Variants in CCNH observed in about 807,000 individuals in gnomAD.
CCNH encodes the protein cyclin H.
A neutral mutation model predicts 41.9 loss-of-function variants in CCNH; 31 were observed. That is an observed-to-expected ratio of 0.74 (90% CI 0.56 to 1.00). The LOEUF (loss-of-function observed/expected upper bound fraction) is 1.00. CCNH is among the 50% of genes least tolerant of loss of function. The pLI, the probability that CCNH is intolerant of heterozygous loss-of-function variation, is 0.00. For missense variants in CCNH, 362 were observed against 388.4 expected, an observed-to-expected ratio of 0.93 and a Z score of 0.57; for synonymous variants, 138 against 136.1, an observed-to-expected ratio of 1.01 and a Z score of -0.10.
At chr5:87,331,488 T>G in intron 9 of CCNH, 3 of 1,613,834 alleles carry the variant, frequency 1.9e-6, no homozygotes, top group Non-Finnish European at 1.7e-6. Context: ...ATGAATGTTG[T>G]CAACCATTTT....
intron 9 of CCNH, among the ~76,000 whole-genome samples, chr5:87,358,441 A>T (rs1308895545): frequency 6.6e-6 from 1 of 152,168 alleles, no homozygotes; most frequent in African/African-American, 2.4e-5. Flanking sequence ...ATCATCCTCA[A>T]TTCTTCTCTT....
At chr5:87,355,529 T>C (rs1401675072) in intron 9 of CCNH, among the ~76,000 whole-genome samples, 1 of 152,186 alleles carries the variant, frequency 6.6e-6, no homozygotes, top group Non-Finnish European at 1.5e-5. Flanking sequence ...TCACTGACAA[T>C]GCACCTCTAC....
intron 9 of CCNH, among the ~76,000 whole-genome samples, chr5:87,333,595 G>A (rs1757750431): frequency 6.6e-6 from 1 of 152,146 alleles, no homozygotes; most frequent in African/African-American, 2.4e-5. Context: ...CACAAAGTAA[G>A]GAGAGTTCTG....
At chr5:87,329,281 C>CAAAAAAAAAAAAAAAAAAAAAAAAAAAA (rs571157213) in intron 9 of CCNH, among the ~76,000 whole-genome samples, 1 of 119,160 alleles carries the variant, frequency 8.4e-6, no homozygotes, top group African/African-American at 3.1e-5. Context: ...TCTGTCTCTC[C>CAAAAAAAAAAAAAAAAAAAAAAAAAAAA]AAAAAAAAAA....
exon 1 of CCNH, chr5:87,376,659 T>G: frequency 7.0e-7 from 1 of 1,432,354 alleles, no homozygotes; most frequent in Non-Finnish European, 9.7e-7. Flanking sequence ...TAGTAATTCA[T>G]AGCTTAGTAG....
chr5:87,346,816 C>A, intron 9 of CCNH: 2 of 978,302 alleles, frequency 2.0e-6, no homozygotes, highest in Non-Finnish European at 3.2e-6. Flanking sequence ...CTTTAGCATT[C>A]AGTTAGTGTT....
At chr5:87,322,556 T>C (rs1251349403) in intron 9 of CCNH, among the ~76,000 whole-genome samples, 1 of 152,150 alleles carries the variant, frequency 6.6e-6, no homozygotes, top group Non-Finnish European at 1.5e-5. Flanking sequence ...TCTCTTGCTC[T>C]CTCTGGTCAT....
chr5:87,409,629 C>A (rs1166310398), intron 2 of CCNH, among the ~76,000 whole-genome samples: 1 of 145,990 alleles, frequency 6.8e-6, no homozygotes, highest in Non-Finnish European at 1.5e-5. Flanking sequence ...TTTAAAAATA[C>A]GTGTGTGTGT....
intron 9 of CCNH, among the ~76,000 whole-genome samples, chr5:87,348,038 A>C (rs1392193865): frequency 2.6e-5 from 4 of 152,028 alleles, no homozygotes; most frequent in Non-Finnish European, 4.4e-5. Flanking sequence ...TTGCATGCAC[A>C]GTCTTGCATG....
chr5:87,399,631 G>A, intron 6 of CCNH, 126 bp from the exon 7 acceptor site: 1 of 669,812 alleles, frequency 1.5e-6, no homozygotes, highest in Non-Finnish European at 2.7e-6. Flanking sequence ...TTATTCTCAG[G>A]ATTTGCATCA....
chr5:87,403,869 T>C (rs145212925), intron 5 of CCNH, among the ~76,000 whole-genome samples: 137 of 152,342 alleles, frequency 9.0e-4, no homozygotes, highest in Middle Eastern at 3.4e-3. Flanking sequence ...CTATCTTTCC[T>C]AACACAGAGA....
intron 9 of CCNH, among the ~76,000 whole-genome samples, chr5:87,338,536 A>ATATATATATATATTTTTTT: frequency 1.2e-5 from 1 of 85,214 alleles, no homozygotes; most frequent in African/African-American, 4.4e-5. Flanking sequence ...TATATATAAA[A>ATATATATATATATTTTTTT]TTTTTTTTTT....
downstream of CCNH, chr5:87,392,142 G>A (rs1446902921): frequency 1.2e-5 from 5 of 408,744 alleles, no homozygotes; most frequent in African/African-American, 4.2e-5. Flanking sequence ...TGGAACATAC[G>A]TGGCAGAATG....
intron 9 of CCNH, among the ~76,000 whole-genome samples, chr5:87,347,014 CTG>C (rs1279502439): frequency 2.0e-5 from 3 of 152,046 alleles, no homozygotes; most frequent in Admixed American, 1.3e-4. Flanking sequence ...TTCTGTGTCT[CTG>C]TGAATCTTTC....
intron 9 of CCNH, chr5:87,337,950 T>C (rs1236423635): frequency 1.3e-6 from 2 of 1,584,636 alleles, no homozygotes; most frequent in South Asian, 2.3e-5. Context: ...TTAAATTTAA[T>C]AACTTTAAAA....
intron 9 of CCNH, among the ~76,000 whole-genome samples, chr5:87,320,587 A>G (rs1424002686): frequency 1.3e-5 from 2 of 152,188 alleles, no homozygotes; most frequent in South Asian, 2.1e-4. Context: ...CTTTTAAACC[A>G]TCAGATCTTG....
rs1269048148 is a variant in CCNH at position 87,325,919 on chromosome 5, GC to G, written c.*91-7023del. ...GTGAGACAGATTATAAAACACAAAG[GC>G]CCCTCTAAGGCCCTTCGGATGTGTT... On this transcript the variant is annotated intron_variant and NMD_transcript_variant, in intron 9 of 9. Transcript: ENST00000645953. Among the ~76,000 whole-genome samples the G allele has an allele frequency of 5.3e-5, 8 of 151,912 alleles. No individual in the cohort carries two copies. In the East Asian group the frequency reaches 1.5e-3, roughly 29 times the overall value.
At chr5:87,341,393 C>A (rs1016910874) in intron 9 of CCNH, 1 of 1,109,040 alleles carries the variant, frequency 9.0e-7, no homozygotes, top group South Asian at 3.1e-5. Context: ...AAAACTTTGG[C>A]CAAAAAAATT....
In CCNH at chr5:87,404,736, C is replaced by G. The variant is rs1169244662; in HGVS notation, c.689+108G>C. On this transcript the variant is annotated intron_variant, in intron 5 of 8. Coordinates refer to ENST00000256897, the MANE Select transcript of CCNH (RefSeq NM_001239.4). ...AAGGCAATTTCATTTCTTCTTCTCA[C>G]CAACCATCCCAGCCACAAAGAATAT... is the stretch of plus-strand genomic sequence containing the variant. The G allele has an allele frequency of 5.7e-6, 5 of 878,288 alleles. No homozygotes were observed. In the African/African-American group the frequency reaches 8.6e-5, roughly 15 times the overall value. 54.4% of individuals were successfully genotyped at this position (878,288 alleles called of 1,614,324 possible). A position where few individuals can be genotyped will look rare whatever the true frequency, so the allele number is the denominator to read the frequency against.
Sources: gnomAD v4.1 joint callset for allele counts (sites outside exome capture counted in the v4.1 genomes callset) on GRCh38, gnomAD v4.1.1 for gene constraint, MANE v1.5 for transcripts, NCBI Gene and HGNC (gene_info 2026-07-23, HGNC 2026-07-21) for gene names.